The following RHOQ variants were observed in gnomAD, a reference collection of about 807,000 sequenced individuals.
RHOQ encodes ras homolog family member Q.
In RHOQ, 7 loss-of-function variants were observed where a neutral mutation model predicts 25.8. The observed-to-expected ratio is 0.27, with a 90% CI of 0.15 to 0.51. The LOEUF is 0.51. Ranked by LOEUF, RHOQ falls within the 20% of genes least tolerant of loss-of-function variation. The probability of loss-of-function intolerance (pLI) is 0.97; values close to 1 mark genes in which losing one functional copy is unlikely to be tolerated. For synonymous variants in RHOQ, 97 were observed against 98.6 expected (o/e 0.98, Z 0.10); for missense variants, 165 against 260.6 (o/e 0.63, Z 2.53).
intron 2 of RHOQ, among the ~76,000 whole-genome samples, 197 bp downstream of exon 2, chr2:46,544,009 C>G (rs986426501): frequency 1.3e-5 from 2 of 152,146 alleles, no homozygotes; most frequent in Non-Finnish European, 2.9e-5. Flanking sequence ...GATAAGCCCC[C>G]CCCATGTGAA....
chr2:46,556,797 A>G lies in RHOQ; in HGVS notation c.201+12985A>G, dbSNP rs1463074626. ...AGGAGTGTTAGAAAGGTGCCCAACT[A>G]CCCGGCTGTTTGACCTGAGCTTCCC... On this transcript the variant is annotated intron_variant, in intron 2 of 4. Coordinates refer to ENST00000238738, the MANE Select transcript of RHOQ (RefSeq NM_012249.4). The surrounding 1 kb of genome is among the most constrained non-coding windows in gnomAD (Gnocchi z 4.9). Among the ~76,000 whole-genome samples the G allele has an allele frequency of 6.6e-6, 1 of 152,038 alleles. No homozygotes were observed. The highest frequency in any genetic ancestry group is 2.4e-5 in the African/African-American group (1 of 41,386).
chr2:46,566,711 G>C lies in RHOQ; in HGVS notation c.202-9376G>C, dbSNP rs1010929535. ...GCTGACTCCCTCTCCAGCCCCACCT[G>C]TCACCTGGCCTTTCCCTGTGGTCTT... On this transcript the variant is annotated intron_variant, in intron 2 of 4. Coordinates refer to ENST00000238738, the MANE Select transcript of RHOQ (RefSeq NM_012249.4). This position sits in a 1 kb window ranked among gnomAD's most constrained non-coding sequence, Gnocchi z 4.2. Among the ~76,000 whole-genome samples the C allele has an allele frequency of 6.6e-6, 1 of 152,146 alleles. No individual in the cohort carries two copies. The highest frequency in any genetic ancestry group is 2.4e-5 in the African/African-American group (1 of 41,432).
intron 1 of RHOQ, 140 bp from the exon 2 acceptor site, chr2:46,543,614 A>G (rs2103972822): frequency 1.4e-6 from 1 of 720,164 alleles, no homozygotes. Context: ...GCCGCACGGG[A>G]AAAGGGGGTG....
intron 2 of RHOQ, chr2:46,560,511 G>T (rs1223119678): frequency 2.2e-6 from 1 of 451,238 alleles, no homozygotes; most frequent in South Asian, 1.6e-5. Context: ...TAAAGAAGTT[G>T]CTTGGCATAC....
At chr2:46,573,557 A>G (rs1669006311) in intron 2 of RHOQ, among the ~76,000 whole-genome samples, 1 of 152,346 alleles carries the variant, frequency 6.6e-6, no homozygotes, top group Admixed American at 6.5e-5. Flanking sequence ...GATTGGTCCA[A>G]TTGTCCTCCT....
At chr2:46,549,459 G>T (rs1668172961) in intron 2 of RHOQ, among the ~76,000 whole-genome samples, 1 of 152,150 alleles carries the variant, frequency 6.6e-6, no homozygotes. Flanking sequence ...GGGGGTGTCC[G>T]TTTCCAGAAA....
Position 46,583,349 on chromosome 2 carries a change from G to A in RHOQ, c.*2266G>A, listed in dbSNP as rs557825795. ...GGGAGGTAGAACAGAGATCTCCAAC[G>A]TCTCTCCCATTTATCACAGTAATTT... On this transcript the variant is annotated 3_prime_UTR_variant, in exon 5 of 5. Transcript: ENST00000238738. 6.6e-5 allele frequency among the ~76,000 whole-genome samples: 10 copies of A among 152,138 alleles called. No individual in the cohort carries two copies. Among genetic ancestry groups the A allele is most frequent in the South Asian group, 2.1e-4 (1 of 4,818 alleles).
At chr2:46,559,257 A>G (rs1040257146) in intron 2 of RHOQ, among the ~76,000 whole-genome samples, 5 of 152,100 alleles carry the variant, frequency 3.3e-5, no homozygotes, top group Admixed American at 3.3e-4. Flanking sequence ...CGGCCTCTCA[A>G]AGTTTTGGAA....
intron 4 of RHOQ, among the ~76,000 whole-genome samples, chr2:46,578,144 T>G (rs1185621631): frequency 1.3e-5 from 2 of 152,168 alleles, no homozygotes; most frequent in Non-Finnish European, 2.9e-5. Context: ...GGAAATATGT[T>G]CAAACTTATT....
At chr2:46,543,268 G>GCCTCCCCAGAGCGCACTCCTCTCC in intron 1 of RHOQ, 80 bp downstream of exon 1, 1 of 1,530,132 alleles carries the variant, frequency 6.5e-7, no homozygotes, top group Non-Finnish European at 9.0e-7. Flanking sequence ...CCCCCTCGCC[G>GCCTCCCCAGAGCGCACTCCTCTCC]CCTCCCCAGA....
chr2:46,560,685 C>T, intron 2 of RHOQ: 1 of 454,396 alleles, frequency 2.2e-6, no homozygotes, highest in South Asian at 1.6e-5. Context: ...TACTGTTGGA[C>T]AGAGGTAGAT....
chr2:46,565,730 C>G (rs1292283182), intron 2 of RHOQ, among the ~76,000 whole-genome samples: 1 of 152,242 alleles, frequency 6.6e-6, no homozygotes, highest in Non-Finnish European at 1.5e-5. Flanking sequence ...CTTCACCTTC[C>G]CATGAGCTAC....
At chr2:46,559,558 G>A (rs966900544) in intron 2 of RHOQ, among the ~76,000 whole-genome samples, 2 of 152,110 alleles carry the variant, frequency 1.3e-5, no homozygotes, top group African/African-American at 4.8e-5. Flanking sequence ...TTTGTTGTGG[G>A]GGGGCTGTCT....
intron 2 of RHOQ, among the ~76,000 whole-genome samples, chr2:46,563,760 G>A (rs2104006876): frequency 6.6e-6 from 1 of 152,186 alleles, no homozygotes; most frequent in Non-Finnish European, 1.5e-5. Context: ...CTGGGTACCT[G>A]TAAGGCAAGA....
rs1669129215 is a variant in RHOQ, at chr2:46,576,391, T to C, written c.366+140T>C. The C allele has an allele frequency of 1.1e-5, 11 of 956,814 alleles. No homozygotes were observed. The East Asian group carries it at 2.0e-4, about 18-fold the overall frequency. 59.3% of individuals were successfully genotyped at this position (956,814 alleles called of 1,614,324 possible). On this transcript the variant is annotated intron_variant, in intron 3 of 4. Transcript: ENST00000238738. This position sits in a 1 kb window ranked among gnomAD's most constrained non-coding sequence, Gnocchi z 5.1. ...CTGCAAGTTAATGAGTTCTATCATA[T>C]TTTTGGAAAAAATTGTGCCAAAAGA... is the stretch of plus-strand genomic sequence containing the variant.
chr2:46,549,558 A>C (rs1197528644), intron 2 of RHOQ, among the ~76,000 whole-genome samples: 1 of 152,200 alleles, frequency 6.6e-6, no homozygotes. Flanking sequence ...TTACAAAGAA[A>C]CAAGATGGAA....
rs1428359026 is a variant in RHOQ at position 46,542,716 on chromosome 2, C to A, written c.-331C>A. 1 of 146,848 alleles carries A rather than the reference C, an allele frequency of 6.8e-6. No individual in the cohort carries two copies. Among genetic ancestry groups the A allele is most frequent in the Admixed American group, 6.8e-5 (1 of 14,766 alleles). 9.1% of individuals were successfully genotyped at this position (146,848 alleles called of 1,614,324 possible). A position where few individuals can be genotyped will look rare whatever the true frequency, so the allele number is the denominator to read the frequency against. On this transcript the variant is annotated 5_prime_UTR_variant, in exon 1 of 5. Coordinates refer to ENST00000238738, the MANE Select transcript of RHOQ (RefSeq NM_012249.4). Reference sequence around the variant, plus strand: ...CCGCCCTCCCCAAAGTTGCCGTCTCCCCCGGGGCCGGCCGGTCTTATGATC... The same window carrying A: ...CCGCCCTCCCCAAAGTTGCCGTCTCACCCGGGGCCGGCCGGTCTTATGATC...
intron 2 of RHOQ, among the ~76,000 whole-genome samples, chr2:46,564,735 T>A (rs868829836): frequency 7.2e-5 from 11 of 152,322 alleles, no homozygotes; most frequent in Middle Eastern, 3.4e-3. Flanking sequence ...ATTAAAAGGA[T>A]GTGTGTAAGT....
At chr2:46,571,429 A>G (rs77919137) in intron 2 of RHOQ, among the ~76,000 whole-genome samples, 8,154 of 152,258 alleles carry the variant, frequency 0.054, 368 homozygotes, top group African/African-American at 0.12. Flanking sequence ...ATTCAAGTGC[A>G]TTGCCTTATT....
Sources: allele counts gnomAD v4.1 joint callset (sites outside exome capture counted in the v4.1 genomes callset), GRCh38; gene constraint gnomAD v4.1.1; non-coding constraint Gnocchi (gnomAD v3.1); transcripts MANE v1.5; gene names NCBI Gene and HGNC (gene_info 2026-07-23, HGNC 2026-07-21).